PLEKHA6: variants seen among roughly 807,000 people sequenced by gnomAD.
The protein encoded by PLEKHA6 is pleckstrin homology domain containing A6.
PLEKHA6 carries 60 observed loss-of-function variants against 116.7 expected under a neutral mutation model. That is an observed-to-expected ratio of 0.51 (90% confidence interval 0.42 to 0.64). The LOEUF (loss-of-function observed/expected upper bound fraction) is 0.64. PLEKHA6 is among the 30% of genes least tolerant of loss of function. The pLI is 0.00. For synonymous variants in PLEKHA6, 489 were observed against 556.1 expected (o/e 0.88, Z 1.70); for missense variants, 1,338 against 1,422.7 (o/e 0.94, Z 0.96).
intron 17 of PLEKHA6, among the ~76,000 whole-genome samples, chr1:204,237,122 G>A (rs1390591010): frequency 6.6e-6 from 1 of 152,218 alleles, no homozygotes; most frequent in Non-Finnish European, 1.5e-5. Context: ...TCCAGTTAAA[G>A]TAGGAGCTTA....
chr1:204,272,097 C>A (rs1353258587), intron 3 of PLEKHA6, among the ~76,000 whole-genome samples: 1 of 152,126 alleles, frequency 6.6e-6, no homozygotes, highest in Non-Finnish European at 1.5e-5. Context: ...TTTCAAGCTC[C>A]CAGTCCCGCA....
intron 4 of PLEKHA6, among the ~76,000 whole-genome samples, chr1:204,267,997 G>C (rs1667023428): frequency 6.6e-6 from 1 of 152,098 alleles, no homozygotes; most frequent in South Asian, 2.1e-4. Context: ...AGGAAACCGG[G>C]CTGGGTTCCC....
chr1:204,332,152 G>A (rs1165752727), intron 1 of PLEKHA6, among the ~76,000 whole-genome samples: 1 of 152,148 alleles, frequency 6.6e-6, no homozygotes, highest in Non-Finnish European at 1.5e-5. Context: ...CCCTTTGCCG[G>A]CATGTTGCTG....
intron 1 of PLEKHA6, among the ~76,000 whole-genome samples, chr1:204,318,833 G>A (rs745811451): frequency 2.6e-5 from 4 of 152,128 alleles, no homozygotes; most frequent in South Asian, 4.1e-4. Flanking sequence ...TTCTGAGCAC[G>A]TCTCGTTTCA....
At chr1:204,325,867 G>C in intron 1 of PLEKHA6, 1 of 979,966 alleles carries the variant, frequency 1.0e-6, no homozygotes, top group Non-Finnish European at 1.2e-6. Flanking sequence ...TGGAAGGGCA[G>C]CATGGGGAGA....
intron 15 of PLEKHA6, among the ~76,000 whole-genome samples, chr1:204,244,402 A>C (rs1663339422): frequency 6.6e-6 from 1 of 152,054 alleles, no homozygotes; most frequent in South Asian, 2.1e-4. Context: ...TGGCCTCCCA[A>C]AATGCTGGGA....
chr1:204,245,025 G>T, intron 14 of PLEKHA6, 22 bp from the exon 15 acceptor site: 1 of 1,399,624 alleles, frequency 7.1e-7, no homozygotes, highest in Non-Finnish European at 9.3e-7. Context: ...CAAGGGGATG[G>T]GTGAGCAATG....
At chr1:204,239,064 A>G (rs1662453109) in intron 17 of PLEKHA6, among the ~76,000 whole-genome samples, 1 of 152,272 alleles carries the variant, frequency 6.6e-6, no homozygotes, top group African/African-American at 2.4e-5. Flanking sequence ...TGAGTGGTCA[A>G]AAACCATGAA....
In PLEKHA6 at chr1:204,338,813, G is replaced by T. The variant is rs76298940; in HGVS notation, c.-95+20881C>A. The stretch of plus-strand genomic sequence containing the variant: ...GAAGGGGATGGGGAGAGGGACTCTC[G>T]CATGGCCTCTCCTAAGGCAGACCCC... On this transcript the variant is annotated intron_variant, in intron 1 of 22. Transcript: ENST00000272203. Among the ~76,000 whole-genome samples the T allele has an allele frequency of 3.3e-4, 51 of 152,294 alleles. 1 individual carries two copies. In the East Asian group the frequency reaches 9.5e-3, roughly 28 times the overall value.
chr1:204,292,989 T>C (rs1669924935), intron 1 of PLEKHA6, among the ~76,000 whole-genome samples: 1 of 152,100 alleles, frequency 6.6e-6, no homozygotes. Flanking sequence ...CTCTGTACCC[T>C]AACCTTCCTC....
intron 1 of PLEKHA6, among the ~76,000 whole-genome samples, chr1:204,295,457 T>C (rs909544921): frequency 5.4e-5 from 8 of 149,336 alleles, no homozygotes; most frequent in Admixed American, 6.7e-5. Flanking sequence ...GCTATTGCAC[T>C]CTAGCCTGGG....
Position 204,259,164 on chromosome 1 carries a change from T to G in PLEKHA6, c.1007+94A>C. ...CCAACTCAGCCTGCTTCCAGAAGGT[T>G]TCCAACAGGGGATGCCTCGTGGGCT... On this transcript the variant is annotated intron_variant, in intron 8 of 22. Coordinates refer to ENST00000272203, the MANE Select transcript of PLEKHA6 (RefSeq NM_014935.5). This position sits in a 1 kb window ranked among gnomAD's most constrained non-coding sequence, Gnocchi z 4.6. 7.1e-7 allele frequency: 1 copy of G among 1,417,884 alleles called. No homozygotes were observed. Among genetic ancestry groups the G allele is most frequent in the Non-Finnish European group, 9.5e-7 (1 of 1,051,862 alleles). 87.8% of individuals were successfully genotyped at this position (1,417,884 alleles called of 1,614,324 possible).
intron 1 of PLEKHA6, among the ~76,000 whole-genome samples, chr1:204,305,484 T>C (rs985726631): frequency 6.6e-6 from 1 of 152,180 alleles, no homozygotes; most frequent in African/African-American, 2.4e-5. Flanking sequence ...GAGAGACCCT[T>C]GAAGGCAGAT....
chr1:204,302,789 T>C (rs1277198917), intron 1 of PLEKHA6, among the ~76,000 whole-genome samples: 1 of 151,982 alleles, frequency 6.6e-6, no homozygotes, highest in Non-Finnish European at 1.5e-5. Flanking sequence ...GGCAGGAGAA[T>C]TGCTTGAACC....
At chr1:204,263,193 G>C (rs1159941062) in intron 6 of PLEKHA6, among the ~76,000 whole-genome samples, 1 of 152,206 alleles carries the variant, frequency 6.6e-6, no homozygotes, top group Non-Finnish European at 1.5e-5. Context: ...ACAGGAGAAG[G>C]CAGAGGGCCT....
At chr1:204,241,857 G>A in intron 15 of PLEKHA6, 43 bp from the exon 16 acceptor site, 1 of 1,608,892 alleles carries the variant, frequency 6.2e-7, no homozygotes, top group Non-Finnish European at 8.5e-7. Context: ...TAGTATGGCT[G>A]TCAGGAACTT....
chr1:204,250,186 G>C (rs1426954649), intron 10 of PLEKHA6, among the ~76,000 whole-genome samples: 3 of 152,186 alleles, frequency 2.0e-5, no homozygotes, highest in Non-Finnish European at 2.9e-5. Context: ...TGCCATGCTG[G>C]GCACAGAATA....
chr1:204,370,400 G>C (rs1673751166), intron 2 of PLEKHA6, among the ~76,000 whole-genome samples: 1 of 152,252 alleles, frequency 6.6e-6, no homozygotes, highest in Non-Finnish European at 1.5e-5. Flanking sequence ...GGCGAGAGGG[G>C]GAAGGGCTGG....
intron 1 of PLEKHA6, among the ~76,000 whole-genome samples, chr1:204,323,016 C>A (rs1281432094): frequency 6.6e-6 from 1 of 152,240 alleles, no homozygotes; most frequent in Admixed American, 6.5e-5. Flanking sequence ...GAACTTAATG[C>A]CTTCCCCGCT....
Sources: allele counts gnomAD v4.1 joint callset (sites outside exome capture counted in the v4.1 genomes callset), GRCh38; gene constraint gnomAD v4.1.1; non-coding constraint Gnocchi (gnomAD v3.1); transcripts MANE v1.5; gene names NCBI Gene and HGNC (gene_info 2026-07-23, HGNC 2026-07-21).